Variants in C7orf78 observed in about 807,000 individuals in gnomAD.
The protein encoded by C7orf78 is chromosome 7 open reading frame 78.
At chr7:12,497,499 T>A in the C7orf78 span, among the ~76,000 whole-genome samples, 2 of 151,778 alleles carry the variant, frequency 1.3e-5, no homozygotes, top group South Asian at 2.1e-4. Context: ...ATCGGGTCAC[T>A]CCCACTCGAA....
chr7:12,515,568 G>A, the C7orf78 span, among the ~76,000 whole-genome samples: 907 of 152,288 alleles, frequency 6.0e-3, 5 homozygotes, highest in Non-Finnish European at 0.011. Context: ...AACAGGCAGA[G>A]GCTGGAACGG....
the C7orf78 span, chr7:12,507,040 C>T: frequency 9.6e-6 from 4 of 415,128 alleles, no homozygotes; most frequent in Non-Finnish European, 1.9e-5. Flanking sequence ...GCGGTGTCAC[C>T]CTGTAATCCC....
At chr7:12,502,664 A>C in the C7orf78 span, among the ~76,000 whole-genome samples, 1 of 152,170 alleles carries the variant, frequency 6.6e-6, no homozygotes, top group Non-Finnish European at 1.5e-5. Context: ...CCATTGTAGA[A>C]GTTGGTGTGG....
the C7orf78 span, chr7:12,483,884 A>C: frequency 6.6e-6 from 1 of 150,604 alleles, no homozygotes; most frequent in Non-Finnish European, 1.5e-5. Flanking sequence ...ATCTCAAAAA[A>C]AAAAAAAAAA....
the C7orf78 span, among the ~76,000 whole-genome samples, chr7:12,537,461 C>T: frequency 1.3e-5 from 2 of 152,132 alleles, no homozygotes; most frequent in African/African-American, 4.8e-5. Flanking sequence ...GGGATACAGC[C>T]AAACCATATC....
the C7orf78 span, among the ~76,000 whole-genome samples, chr7:12,521,191 G>A: frequency 6.6e-6 from 1 of 152,066 alleles, no homozygotes; most frequent in South Asian, 2.1e-4. Context: ...TTTTTAATTG[G>A]GGAAATTAAC....
At chr7:12,507,016 G>C in the C7orf78 span, 3 of 446,630 alleles carry the variant, frequency 6.7e-6, no homozygotes, top group South Asian at 4.8e-5. Context: ...AAAAAAGCTA[G>C]AAAAGGGCCG....
At chr7:12,519,239 A>G in the C7orf78 span, among the ~76,000 whole-genome samples, 2 of 152,014 alleles carry the variant, frequency 1.3e-5, no homozygotes, top group Admixed American at 1.3e-4. Context: ...GTGAGAAAGA[A>G]CCCCACCCTC....
At chr7:12,518,276 T>G in the C7orf78 span, among the ~76,000 whole-genome samples, 2 of 152,162 alleles carry the variant, frequency 1.3e-5, no homozygotes, top group Non-Finnish European at 2.9e-5. Context: ...AGTATACCTG[T>G]CCTTTAGCCC....
At chr7:12,526,183 G>T in the C7orf78 span, among the ~76,000 whole-genome samples, 1 of 152,082 alleles carries the variant, frequency 6.6e-6, no homozygotes, top group East Asian at 1.9e-4. Context: ...GAGCCCAGCT[G>T]TGCAACTTTG....
the C7orf78 span, among the ~76,000 whole-genome samples, chr7:12,515,351 A>T: frequency 1.3e-5 from 2 of 152,302 alleles, no homozygotes; most frequent in Admixed American, 1.3e-4. Context: ...ATTGCCATGT[A>T]AAAAGTGCCT....
At chr7:12,528,894 A>G in the C7orf78 span, 61 of 398,410 alleles carry the variant, frequency 1.5e-4, no homozygotes, top group African/African-American at 1.2e-3. Context: ...TTGTCTTCCT[A>G]TCTCTAGTAC....
At chr7:12,514,392 A>G in the C7orf78 span, among the ~76,000 whole-genome samples, 1 of 152,052 alleles carries the variant, frequency 6.6e-6, no homozygotes, top group Non-Finnish European at 1.5e-5. Context: ...TTTTTTTAAT[A>G]GAATATCTTT....
the C7orf78 span, among the ~76,000 whole-genome samples, chr7:12,516,911 G>A: frequency 4.6e-5 from 7 of 152,170 alleles, no homozygotes; most frequent in East Asian, 1.9e-4. Context: ...GCTCATAGGC[G>A]GAAGGGAGTT....
the C7orf78 span, among the ~76,000 whole-genome samples, chr7:12,511,020 G>T: frequency 6.6e-6 from 1 of 152,118 alleles, no homozygotes; most frequent in African/African-American, 2.4e-5. Context: ...ATAATTTCAG[G>T]TTTTATGTTA....
At chr7:12,509,399 G>T in the C7orf78 span, among the ~76,000 whole-genome samples, 1 of 152,144 alleles carries the variant, frequency 6.6e-6, no homozygotes, top group Admixed American at 6.5e-5. Flanking sequence ...ACCTGTGTAT[G>T]TACTGGTCAT....
At chr7:12,536,108 G>A in the C7orf78 span, among the ~76,000 whole-genome samples, 1 of 152,178 alleles carries the variant, frequency 6.6e-6, no homozygotes, top group Non-Finnish European at 1.5e-5. Flanking sequence ...CCCCAGTGAG[G>A]ACTCTGTGTG....
the C7orf78 span, among the ~76,000 whole-genome samples, chr7:12,514,393 G>C: frequency 4.6e-5 from 7 of 151,290 alleles, no homozygotes; most frequent in African/African-American, 1.7e-4. Flanking sequence ...TTTTTTAATA[G>C]AATATCTTTT....
the C7orf78 span, among the ~76,000 whole-genome samples, chr7:12,518,393 G>A: frequency 6.6e-6 from 1 of 152,114 alleles, no homozygotes; most frequent in Non-Finnish European, 1.5e-5. Flanking sequence ...GAGCCAGGTG[G>A]GTGTACTGGT....
Sources: gnomAD v4.1 joint callset for allele counts (sites outside exome capture counted in the v4.1 genomes callset) on GRCh38, gnomAD v4.1.1 for gene constraint, MANE v1.5 for transcripts, NCBI Gene and HGNC (gene_info 2026-07-23, HGNC 2026-07-21) for gene names.